Variants in POLR3H observed in about 807,000 individuals in gnomAD.
POLR3H encodes the protein RNA polymerase III subunit H.
POLR3H carries 17 observed loss-of-function variants against 25.5 expected under a neutral mutation model. The ratio of observed to expected loss-of-function variants is 0.67; its 90% confidence interval spans 0.46 to 1.00. The LOEUF (loss-of-function observed/expected upper bound fraction) is 1.00. POLR3H is among the 50% of genes least tolerant of loss of function. The pLI, the probability that POLR3H is intolerant of heterozygous loss-of-function variation, is 0.00. For synonymous variants in POLR3H, 129 were observed against 103.0 expected, an observed-to-expected ratio of 1.25 and a Z score of -1.53; for missense variants, 274 against 265.0, an observed-to-expected ratio of 1.03 and a Z score of -0.24.
intron 4 of POLR3H, among the ~76,000 whole-genome samples, chr22:41,531,319 C>T (rs2066728992): frequency 6.6e-6 from 1 of 152,234 alleles, no homozygotes; most frequent in African/African-American, 2.4e-5. Context: ...GATGGGAGGT[C>T]ACCTGCCCAC....
intron 5 of POLR3H, chr22:41,529,763 G>GTT (rs371328828): frequency 0.018 from 7,275 of 393,446 alleles, 35 homozygotes; most frequent in Admixed American, 0.043. Context: ...TTTTTTTGTT[G>GTT]TTTTTTTTTT....
intron 2 of POLR3H, among the ~76,000 whole-genome samples, chr22:41,536,866 C>CA (rs576432041): frequency 0.26 from 14,145 of 55,098 alleles, 2,035 homozygotes; most frequent in Admixed American, 0.37. Context: ...GACTCTGTCT[C>CA]AAAAAAAAAA....
At chr22:41,541,459 C>A (rs1021142322) in intron 1 of POLR3H, among the ~76,000 whole-genome samples, 1 of 152,226 alleles carries the variant, frequency 6.6e-6, no homozygotes, top group Non-Finnish European at 1.5e-5. Flanking sequence ...AAACGACTGG[C>A]TACTCAGTGT....
rs761723943 is a variant in POLR3H, at chr22:41,532,120, T to G, written c.333A>C (p.Pro111=). The change falls in exon 4 of 6, where the codon CCA becomes CCC. Residue 111 remains proline, a synonymous_variant. Coordinates refer to ENST00000355209, the MANE Select transcript of POLR3H (RefSeq NM_001018050.4). ...LGFFDDILIP[P]ESLQQPAKFD... ...ACTTGGCTGGCTGCTGCAGTGACTC[T>G]GGGGGGATGAGAATGTCATCGAAGA... 6.2e-6 allele frequency: 10 copies of G among 1,613,912 alleles called. No homozygotes were observed. In the African/African-American group the frequency reaches 1.1e-4, roughly 17 times the overall value.
Sources: allele counts gnomAD v4.1 joint callset (sites outside exome capture counted in the v4.1 genomes callset), GRCh38; gene constraint gnomAD v4.1.1; transcripts MANE v1.5; gene names NCBI Gene and HGNC (gene_info 2026-07-23, HGNC 2026-07-21).